WRAP53: variants seen among roughly 807,000 people sequenced by gnomAD.
The protein encoded by WRAP53 is WD repeat containing antisense to TP53.
A neutral mutation model predicts 56.6 loss-of-function variants in WRAP53; 28 were observed. That is an observed-to-expected ratio of 0.50 (90% CI 0.37 to 0.68). WRAP53 has a LOEUF of 0.68. WRAP53 is among the 30% of genes least tolerant of loss of function. The pLI is 0.00. For missense variants in WRAP53, 671 were observed against 715.5 expected (o/e 0.94, Z 0.71); for synonymous variants, 283 against 283.4 (o/e 1.00, Z 0.01).
Position 7,689,341 on chromosome 17 carries a change from C to A in WRAP53, c.530+19C>A. ...GTAAGTGGTAAGGATAACAACGGGG[C>A]AGGGAGCTGACCACCCCCGAGATTT... is the stretch of plus-strand genomic sequence containing the variant. On this transcript the variant is annotated intron_variant, in intron 3 of 10. Transcript: ENST00000396463. 6.2e-7 allele frequency: 1 copy of A among 1,611,448 alleles called. No individual in the cohort carries two copies. The highest frequency in any genetic ancestry group is 2.2e-5 in the East Asian group (1 of 44,864).
intron 4 of WRAP53, among the ~76,000 whole-genome samples, chr17:7,696,033 G>T (rs565234353): frequency 9.3e-4 from 141 of 152,270 alleles, no homozygotes; most frequent in African/African-American, 3.3e-3. Context: ...CGGAAGGGGA[G>T]TGAGGAGCAC....
chr17:7,689,533 G>C (rs947311558), intron 3 of WRAP53, 57 bp from the exon 4 acceptor site: 2 of 1,543,406 alleles, frequency 1.3e-6, no homozygotes, highest in South Asian at 2.2e-5. Context: ...CTCAGCCCTA[G>C]CCCTACACTT....
chr17:7,701,947 C>A lies in WRAP53; in HGVS notation c.955+158C>A. The A allele has an allele frequency of 7.7e-7, 1 of 1,291,946 alleles. No individual in the cohort carries two copies. The highest frequency in any genetic ancestry group is 1.1e-6 in the Non-Finnish European group (1 of 924,150). The allele number at this position is 1,291,946 out of a possible 1,614,324, so 80.0% of individuals were successfully genotyped here. ...CAGTCGGCAGAGGAGCAAACAGGCT[C>A]AGAGCAGGTAGGAAACCTTCCCAAG... On this transcript the variant is annotated intron_variant, in intron 7 of 10. Coordinates refer to ENST00000396463, the MANE Select transcript of WRAP53 (RefSeq NM_001143992.2). The surrounding 1 kb of genome is among the most constrained non-coding windows in gnomAD (Gnocchi z 4.2).
rs1313936677 is a variant in WRAP53, at chr17:7,699,481, T to C, written c.643-1260T>C. Among the ~76,000 whole-genome samples, 4 of 8,474 alleles carry C rather than the reference T, an allele frequency of 4.7e-4. 1 individual carries two copies. The highest frequency in any genetic ancestry group is 2.2e-3 in the African/African-American group (4 of 1,786). 5.6% of individuals were successfully genotyped at this position (8,474 alleles called of 152,430 possible). ...ATTTATATATATATATATATTTATA[T>C]ATATATATATATATATATATTTATA... On this transcript the variant is annotated intron_variant, in intron 4 of 10. Transcript: ENST00000396463.
intron 10 of WRAP53, 46 bp from the exon 11 acceptor site, chr17:7,703,197 T>C (rs753679573): frequency 6.2e-7 from 1 of 1,613,200 alleles, no homozygotes; most frequent in East Asian, 2.2e-5. Context: ...AGGGAGCAAG[T>C]GTCCTCACTG....
chr17:7,691,390 G>GTTT lies in WRAP53; in HGVS notation c.642+1690_642+1691insTTT, dbSNP rs200960465. 1.6e-4 allele frequency among the ~76,000 whole-genome samples: 22 copies of GTTT among 140,166 alleles called. 4 individuals are homozygous for GTTT. The highest frequency in any genetic ancestry group is 3.2e-4 in the African/African-American group (11 of 33,912). The allele number at this position is 140,166 out of a possible 152,430, so 92.0% of individuals were successfully genotyped here. On this transcript the variant is annotated intron_variant, in intron 4 of 10. Coordinates refer to ENST00000396463, the MANE Select transcript of WRAP53 (RefSeq NM_001143992.2). ...GTTTATTTGGGAAGTCATGAGAGAG[G>GTTT]TGTTTTTTTTTTTTTTTTGAGACGA...
intron 4 of WRAP53, among the ~76,000 whole-genome samples, chr17:7,697,427 G>T (rs371144526): frequency 6.6e-6 from 1 of 152,278 alleles, no homozygotes; most frequent in South Asian, 2.1e-4. Flanking sequence ...GGAGGCCGAG[G>T]TAGGCAGATC....
intron 4 of WRAP53, among the ~76,000 whole-genome samples, chr17:7,695,367 C>A (rs188281687): frequency 6.6e-6 from 1 of 152,198 alleles, no homozygotes; most frequent in East Asian, 1.9e-4. Flanking sequence ...CGGGTTTTCT[C>A]CTTTCTTTTC....
At chr17:7,692,928 T>C (rs999253683) in intron 4 of WRAP53, among the ~76,000 whole-genome samples, 3 of 151,626 alleles carry the variant, frequency 2.0e-5, no homozygotes, top group Admixed American at 6.6e-5. Flanking sequence ...TAATTTTTTG[T>C]ATTTTTAGTA....
rs1412005588 is a variant in WRAP53, at chr17:7,688,478, G to A, written c.-85G>A. ...GCGACCCGCGGTGCTAAGGAACACAGTGCTTTCAAAAGAATTGGCGTCCGC... is the reference window on the plus strand; with the variant it reads ...GCGACCCGCGGTGCTAAGGAACACAATGCTTTCAAAAGAATTGGCGTCCGC... On this transcript the variant is annotated 5_prime_UTR_variant, in exon 1 of 11. In the 5' UTR this introduces an upstream ATG that the reference lacks. Transcript: ENST00000396463. The A allele has an allele frequency of 1.4e-6, 1 of 702,836 alleles. No homozygotes were observed. The highest frequency in any genetic ancestry group is 1.8e-5 in the African/African-American group (1 of 55,750). 43.5% of individuals were successfully genotyped at this position (702,836 alleles called of 1,614,324 possible).
intron 4 of WRAP53, among the ~76,000 whole-genome samples, chr17:7,692,414 G>A (rs1450744820): frequency 1.3e-5 from 2 of 151,342 alleles, no homozygotes; most frequent in African/African-American, 4.9e-5. Context: ...GAGGTCAGGA[G>A]TTCGAGACCA....
rs281865550 is a variant in WRAP53, at chr17:7,703,027, G to A, written c.1303G>A (p.Gly435Arg). 7 of 1,614,084 alleles carry A rather than the reference G, an allele frequency of 4.3e-6. No homozygotes were observed. The highest frequency in any genetic ancestry group is 2.2e-5 in the East Asian group (1 of 44,882). ...GQFLVSGSTSGAVSVWDTDGP... is the reference protein window; with the variant it reads ...GQFLVSGSTSRAVSVWDTDGP... ...GTTCCTAGTGAGTGGCAGCACGAGCGGGGCTGTCTCTGTGTGGGACACGGA... is the reference window on the plus strand; with the variant it reads ...GTTCCTAGTGAGTGGCAGCACGAGCAGGGCTGTCTCTGTGTGGGACACGGA... The change falls in exon 10 of 11, where the codon GGG (glycine) becomes AGG (arginine). Residue 435 changes from glycine (G) to arginine (R), a missense_variant. This residue lies in a region of WRAP53 where 158 missense variants were observed against 215.7 expected (regional missense o/e 0.73). Transcript: ENST00000396463.
intron 4 of WRAP53, among the ~76,000 whole-genome samples, chr17:7,699,441 T>A (rs2074228664): frequency 1.6e-5 from 1 of 61,572 alleles, no homozygotes; most frequent in African/African-American, 7.9e-5. Context: ...AAAAAAAATT[T>A]ATATATATAT....
At position 7,702,596 on chromosome 17, in the gene WRAP53, G is replaced by T; in HGVS notation, c.1164+44G>T. The T allele has an allele frequency of 6.3e-7, 1 of 1,597,648 alleles. No individual in the cohort carries two copies. The highest frequency in any genetic ancestry group is 8.5e-7 in the Non-Finnish European group (1 of 1,176,624). On this transcript the variant is annotated intron_variant, in intron 8 of 10. Coordinates refer to ENST00000396463, the MANE Select transcript of WRAP53 (RefSeq NM_001143992.2). The surrounding 1 kb of genome is among the most constrained non-coding windows in gnomAD (Gnocchi z 5.0). ...GAGCCCAAAGCAGCTGGGCAGCGGG[G>T]CAGGAGCAGGGATGTAGTCTGCAGT... is the stretch of plus-strand genomic sequence containing the variant.
chr17:7,703,359 A>G lies in WRAP53; in HGVS notation c.1520A>G (p.His507Arg). ...GGCCTTCCCTTGCTCTCCACGCGCC[A>G]CGTCCACCTTGAATGTCGGCTTCAG... Reference protein sequence around the residue: ...ELGLPLLSTRHVHLECRLQLW... With the variant: ...ELGLPLLSTRRVHLECRLQLW... Residue 507 changes from histidine (H) to arginine (R), a missense_variant, in exon 11 of 11, where the codon CAC becomes CGC. Transcript: ENST00000396463. 2 of 1,613,862 alleles carry G rather than the reference A, an allele frequency of 1.2e-6. No homozygotes were observed. Among genetic ancestry groups the G allele is most frequent in the South Asian group, 1.1e-5 (1 of 91,060 alleles).
rs146634933 is a variant in WRAP53, at chr17:7,703,397, G to C, written c.1558G>C (p.Gly520Arg). The C allele has an allele frequency of 1.8e-5, 29 of 1,611,838 alleles. No homozygotes were observed. The highest frequency in any genetic ancestry group is 1.6e-4 in the Middle Eastern group (1 of 6,074). Residue 520 changes from glycine to arginine, a missense_variant, in exon 11 of 11, where the codon GGG becomes CGG. Transcript: ENST00000396463. ...ATGTCGGCTTCAGCTCTGGTGGTGT[G>C]GGGGGGCGCCAGACTCCAGCATCCC... Reference protein sequence around the residue: ...LECRLQLWWCGGAPDSSIPDD... With the variant: ...LECRLQLWWCRGAPDSSIPDD...
At chr17:7,697,579 A>G (rs2074203575) in intron 4 of WRAP53, among the ~76,000 whole-genome samples, 1 of 151,784 alleles carries the variant, frequency 6.6e-6, no homozygotes, top group Non-Finnish European at 1.5e-5. Context: ...GAGTCGCTTG[A>G]ACCCAGGAGG....
Position 7,702,133 on chromosome 17 carries a change from G to A in WRAP53, c.956-211G>A. The A allele has an allele frequency of 1.4e-6, 1 of 697,470 alleles. No individual in the cohort carries two copies. Among genetic ancestry groups the A allele is most frequent in the Non-Finnish European group, 2.5e-6 (1 of 397,056 alleles). 43.2% of individuals were successfully genotyped at this position (697,470 alleles called of 1,614,324 possible). On this transcript the variant is annotated intron_variant, in intron 7 of 10. Transcript: ENST00000396463. This position sits in a 1 kb window ranked among gnomAD's most constrained non-coding sequence, Gnocchi z 5.0. ...TCTCTCCAAGGAAGAACTGGGATTT[G>A]AGAGGGATGAAGTGGGGCTTGGGCA... is the stretch of plus-strand genomic sequence containing the variant.
chr17:7,702,190 G>A lies in WRAP53; in HGVS notation c.956-154G>A. On this transcript the variant is annotated intron_variant, in intron 7 of 10. Transcript: ENST00000396463. This position sits in a 1 kb window ranked among gnomAD's most constrained non-coding sequence, Gnocchi z 5.0. Reference sequence around the variant, plus strand: ...TCCTTTGGGAGGATAGATGTGGGGAGCATCAGAGGTCTTTGTCCTGCTTGT... The same window carrying A: ...TCCTTTGGGAGGATAGATGTGGGGAACATCAGAGGTCTTTGTCCTGCTTGT... 4 of 799,996 alleles carry A rather than the reference G, an allele frequency of 5.0e-6. No individual in the cohort carries two copies. The highest frequency in any genetic ancestry group is 3.2e-5 in the South Asian group (2 of 62,912). 49.6% of individuals were successfully genotyped at this position (799,996 alleles called of 1,614,324 possible).
Sources: allele counts gnomAD v4.1 joint callset (sites outside exome capture counted in the v4.1 genomes callset), GRCh38; gene constraint gnomAD v4.1.1; regional missense constraint gnomAD v4.1.1; non-coding constraint Gnocchi (gnomAD v3.1); transcripts MANE v1.5; gene names NCBI Gene and HGNC (gene_info 2026-07-23, HGNC 2026-07-21).